Variants in ZNF517 observed in about 807,000 individuals in gnomAD.
The protein encoded by ZNF517 is zinc finger protein 517.
A neutral mutation model predicts 12.1 loss-of-function variants in ZNF517; 12 were observed. The ratio of observed to expected loss-of-function variants is 0.99; its 90% confidence interval spans 0.63 to 1.61. The LOEUF (loss-of-function observed/expected upper bound fraction) is 1.61. Ranked by LOEUF, ZNF517 falls within the 40% of genes most tolerant of loss-of-function variation. The pLI, the probability that ZNF517 is intolerant of heterozygous loss-of-function variation, is 0.00. For missense variants in ZNF517, 781 were observed against 693.2 expected (o/e 1.13, Z -1.42); for synonymous variants, 388 against 310.2 (o/e 1.25, Z -2.63).
chr8:144,807,709 G>T lies in ZNF517; in HGVS notation c.793G>T (p.Glu265Ter), dbSNP rs377136704. The T allele has an allele frequency of 1.2e-6, 2 of 1,611,554 alleles. No homozygotes were observed. The highest frequency in any genetic ancestry group is 1.7e-6 in the Non-Finnish European group (2 of 1,179,434). The change falls in exon 5 of 5, where the codon GAG becomes TAG. Residue 265 changes from glutamate to a stop codon, truncating the protein, a stop_gained. Coordinates refer to ENST00000359971, the MANE Select transcript of ZNF517 (RefSeq NM_213605.3). LOFTEE classifies it low-confidence loss of function (END_TRUNC). ...CCGCGAGCGGCCCTACGCATGCGGC[G>T]AGTGCGGCAAGGCCTTCAGCCGCAG... ...HTRERPYACGECGKAFSRSSR... is the reference protein window; with the variant it reads ...HTRERPYACG
At position 144,804,238 on chromosome 8, in the gene ZNF517, G is replaced by T. The variant is rs769854716; in HGVS notation, c.274G>T (p.Asp92Tyr). Residue 92 changes from aspartate (D) to tyrosine (Y), a missense_variant and splice_region_variant, in exon 4 of 5, where the codon GAT (aspartate) becomes TAT (tyrosine). Physicochemically the swap from Asp to Tyr is radical, Grantham distance 160. Transcript: ENST00000359971. ...QSVAKASLCT[D>Y]SRMEAGIMES... ...CGTGGCCAAAGCCAGCCTGTGCACA[G>T]GTGAGTACAAAGCACCCACAGGGCG... The T allele has an allele frequency of 3.7e-6, 6 of 1,612,674 alleles. No individual in the cohort carries two copies. In the East Asian group the frequency reaches 1.3e-4, roughly 36 times the overall value.
chr8:144,800,491 G>C (rs1586758778), intron 1 of ZNF517: 1 of 985,282 alleles, frequency 1.0e-6, no homozygotes, highest in Non-Finnish European at 1.2e-6. Context: ...CCAGAGTGGA[G>C]GGTGGTATGT....
rs1324526402 is a variant in ZNF517, at chr8:144,808,089, G to A, written c.1173G>A (p.Thr391=). The A allele has an allele frequency of 1.2e-6, 2 of 1,610,198 alleles. No homozygotes were observed. Among genetic ancestry groups the A allele is most frequent in the Non-Finnish European group, 1.7e-6 (2 of 1,178,910 alleles). Reference sequence around the variant, plus strand: ...TGCTGCTGCACCTGCGCCTACACACGGGCGAGAAGCCGTTCGAGTGCGCGG... The same window carrying A: ...TGCTGCTGCACCTGCGCCTACACACAGGCGAGAAGCCGTTCGAGTGCGCGG... ...SLLLLHLRLH[T]GEKPFECAEC... The change falls in exon 5 of 5, where the codon ACG becomes ACA. Residue 391 remains threonine (T), a synonymous_variant. Transcript: ENST00000359971.
chr8:144,803,130 T>C, intron 2 of ZNF517, 183 bp downstream of exon 2: 2 of 772,674 alleles, frequency 2.6e-6, no homozygotes, highest in Non-Finnish European at 4.0e-6. Context: ...GCCAAATCCT[T>C]CCAGCCTTTG....
At chr8:144,806,626 A>G (rs1400242251) in intron 4 of ZNF517, among the ~76,000 whole-genome samples, 1 of 150,924 alleles carries the variant, frequency 6.6e-6, no homozygotes, top group East Asian at 2.0e-4. Context: ...CTGGGACTAC[A>G]GGCGCTCGCC....
At chr8:144,801,080 C>A (rs545602674) in intron 1 of ZNF517, among the ~76,000 whole-genome samples, 1 of 152,132 alleles carries the variant, frequency 6.6e-6, no homozygotes, top group Non-Finnish European at 1.5e-5. Flanking sequence ...CCGCCCTCAT[C>A]GGCCTCCTAA....
At chr8:144,804,329 A>G (rs988687352) in intron 4 of ZNF517, 91 bp downstream of exon 4, 19 of 907,694 alleles carry the variant, frequency 2.1e-5, no homozygotes, top group Non-Finnish European at 3.1e-5. Flanking sequence ...CTACAGTGGG[A>G]GGTGTGTATG....
At chr8:144,806,920 T>C (rs1306650204) in intron 4 of ZNF517, among the ~76,000 whole-genome samples, 3 of 152,054 alleles carry the variant, frequency 2.0e-5, no homozygotes, top group Non-Finnish European at 4.4e-5. Context: ...ACACCAAAAA[T>C]ATATACAAGT....
rs772006264 is a variant in ZNF517 at position 144,804,214 on chromosome 8, G to T, written c.250G>T (p.Val84Leu). 1 of 1,613,932 alleles carries T rather than the reference G, an allele frequency of 6.2e-7. No individual in the cohort carries two copies. Residue 84 changes from valine to leucine, a missense_variant, in exon 4 of 5, where the codon GTG (valine) becomes TTG (leucine). Val to Leu is a conservative substitution (Grantham distance 32). Coordinates refer to ENST00000359971, the MANE Select transcript of ZNF517 (RefSeq NM_213605.3). ...ALILQVAEQSVAKASLCTDSR... is the reference protein window; with the variant it reads ...ALILQVAEQSLAKASLCTDSR... ...GATTCTGCAGGTGGCTGAACAGAGC[G>T]TGGCCAAAGCCAGCCTGTGCACAGG...
downstream of ZNF517, among the ~76,000 whole-genome samples, chr8:144,812,842 T>C (rs532891189): frequency 4.6e-5 from 7 of 152,330 alleles, no homozygotes; most frequent in African/African-American, 1.7e-4. Flanking sequence ...ATCTTATATA[T>C]AGAAAACCCT....
chr8:144,813,175 G>T (rs1473890809), downstream of ZNF517, among the ~76,000 whole-genome samples: 1 of 151,884 alleles, frequency 6.6e-6, no homozygotes, highest in Non-Finnish European at 1.5e-5. Context: ...AATTAGCCGG[G>T]CCTGGTGGCA....
At chr8:144,801,396 G>T (rs974216008) in intron 1 of ZNF517, among the ~76,000 whole-genome samples, 4 of 152,114 alleles carry the variant, frequency 2.6e-5, no homozygotes, top group African/African-American at 9.7e-5. Context: ...TTGGTGGCAT[G>T]ATCTCGGTTC....
At chr8:144,810,219 T>C (rs1347999005), downstream of ZNF517, 2 of 690,642 alleles carry the variant, frequency 2.9e-6, no homozygotes, top group East Asian at 5.4e-5. Flanking sequence ...TGCTGCATCC[T>C]CTTGGCCCCA....
chr8:144,811,342 C>G (rs1287522773), downstream of ZNF517, among the ~76,000 whole-genome samples: 1 of 152,276 alleles, frequency 6.6e-6, no homozygotes, highest in East Asian at 1.9e-4. Flanking sequence ...CAGGTCCAAT[C>G]AGCTTCTGAA....
At chr8:144,810,517 G>A (rs890677835), downstream of ZNF517, 3 of 348,028 alleles carry the variant, frequency 8.6e-6, no homozygotes, top group Non-Finnish European at 5.2e-6. Flanking sequence ...GAGGCTGAAG[G>A]GTTGTCCCTG....
In ZNF517 at chr8:144,809,809, T is replaced by C. The variant is rs778412370; in HGVS notation, c.*1414T>C. 2.6e-5 allele frequency: 5 copies of C among 194,860 alleles called. No homozygotes were observed. The highest frequency in any genetic ancestry group is 5.2e-5 in the Non-Finnish European group (5 of 96,452). 12.1% of individuals were successfully genotyped at this position (194,860 alleles called of 1,614,324 possible). On this transcript the variant is annotated 3_prime_UTR_variant, in exon 5 of 5. Transcript: ENST00000359971. ...GCTCTCCCCTGTAATCTCAGCATTT[T>C]GGGAGGCAGAGGTAGGTGGATCACC...
chr8:144,801,559 G>A (rs537264103), intron 1 of ZNF517, among the ~76,000 whole-genome samples: 1 of 152,082 alleles, frequency 6.6e-6, no homozygotes, highest in East Asian at 2.0e-4. Flanking sequence ...CTCACTGCAA[G>A]CTCCGCCTCC....
intron 1 of ZNF517, among the ~76,000 whole-genome samples, chr8:144,802,092 G>C (rs1826994365): frequency 6.6e-6 from 1 of 152,188 alleles, no homozygotes; most frequent in Non-Finnish European, 1.5e-5. Flanking sequence ...ATGACGCAGA[G>C]AGAGCTAGAG....
intron 4 of ZNF517, 118 bp from the exon 5 acceptor site, chr8:144,807,073 C>T: frequency 2.3e-6 from 3 of 1,318,600 alleles, no homozygotes; most frequent in Non-Finnish European, 3.1e-6. Context: ...ATTTATACCT[C>T]AGTAAAGCTG....
Sources: gnomAD v4.1 joint callset for allele counts (sites outside exome capture counted in the v4.1 genomes callset) on GRCh38, gnomAD v4.1.1 for gene constraint, MANE v1.5 for transcripts, NCBI Gene and HGNC (gene_info 2026-07-23, HGNC 2026-07-21) for gene names.